The following TRIO variants were observed in gnomAD, a reference collection of about 807,000 sequenced individuals.
TRIO encodes trio Rho guanine nucleotide exchange factor, also known as triple functional domain protein.
In TRIO, 58 loss-of-function variants were observed where a neutral mutation model predicts 351.9. The ratio of observed to expected loss-of-function variants is 0.16; its 90% CI spans 0.13 to 0.21. The LOEUF is 0.21. Among genes scored for constraint, TRIO ranks in the 10% least tolerant of loss-of-function variants. The pLI, the probability that TRIO is intolerant of heterozygous loss-of-function variation, is 1.00. For synonymous variants in TRIO, 1,758 were observed against 1,595.7 expected (o/e 1.10, Z -2.42); for missense variants, 3,201 against 4,027.8 (o/e 0.79, Z 5.56).
At chr5:14,287,392 G>C (rs1021291602) in intron 4 of TRIO, among the ~76,000 whole-genome samples, 12 of 152,304 alleles carry the variant, frequency 7.9e-5, no homozygotes, top group African/African-American at 1.4e-4. Context: ...CTGTGGCTTT[G>C]CACAGTTACA....
intron 9 of TRIO, among the ~76,000 whole-genome samples, chr5:14,318,445 A>G (rs1361980133): frequency 7.8e-6 from 1 of 128,736 alleles, no homozygotes; most frequent in Middle Eastern, 3.4e-3. Context: ...ACAGAGCAAG[A>G]CTCCATCTCA....
chr5:14,406,899 G>A (rs1486874520), intron 33 of TRIO, among the ~76,000 whole-genome samples: 2 of 152,138 alleles, frequency 1.3e-5, no homozygotes, highest in Non-Finnish European at 2.9e-5. Flanking sequence ...TTTCCATCCT[G>A]CCCTTTGCCA....
At chr5:14,299,432 G>A (rs1183928687) in intron 7 of TRIO, among the ~76,000 whole-genome samples, 2 of 152,144 alleles carry the variant, frequency 1.3e-5, no homozygotes, top group African/African-American at 4.8e-5. Context: ...CCTTAACGAA[G>A]CAACAAGGCC....
At chr5:14,351,426 C>T (rs552300875) in intron 11 of TRIO, among the ~76,000 whole-genome samples, 3 of 152,338 alleles carry the variant, frequency 2.0e-5, no homozygotes, top group South Asian at 2.1e-4. Context: ...CTTGCAGCAG[C>T]TCTGGGAAGC....
intron 34 of TRIO, among the ~76,000 whole-genome samples, chr5:14,438,616 G>A (rs755724726): frequency 1.3e-5 from 2 of 152,160 alleles, no homozygotes; most frequent in Non-Finnish European, 2.9e-5. Flanking sequence ...CTCCTGAACC[G>A]AGTCTGTTCA....
chr5:14,243,227 C>G (rs552609985), intron 1 of TRIO, among the ~76,000 whole-genome samples: 8 of 152,220 alleles, frequency 5.3e-5, no homozygotes, highest in Admixed American at 3.9e-4. Context: ...TGTCCTGGTC[C>G]CTGCCTCTGC....
rs770760244 is a variant in TRIO at position 14,488,136 on chromosome 5, C to G, written c.7508C>G (p.Pro2503Arg). The stretch of plus-strand genomic sequence containing the variant: ...AGCCGACCCGGCTCCTTCACCTTCC[C>G]GGGGGACAGCGACTCCCTCCAGCGG... ...PASRPGSFTF[P>R]GDSDSLQRQT... The change falls in exon 48 of 57, where the codon CCG becomes CGG. Residue 2503 changes from proline (P) to arginine (R), a missense_variant. Physicochemically the swap from Pro to Arg is moderately radical, Grantham distance 103 (BLOSUM62 -2). Coordinates refer to ENST00000344204, the MANE Select transcript of TRIO (RefSeq NM_007118.4). The G allele has an allele frequency of 4.4e-6, 7 of 1,608,178 alleles. No individual in the cohort carries two copies. The highest frequency in any genetic ancestry group is 5.1e-6 in the Non-Finnish European group (6 of 1,179,506).
chr5:14,241,594 ATTG>A (rs925838391), intron 1 of TRIO, among the ~76,000 whole-genome samples: 21 of 152,316 alleles, frequency 1.4e-4, no homozygotes, highest in Middle Eastern at 3.4e-3. Flanking sequence ...TAAATTTTAT[ATTG>A]TTGTGGATAT....
intron 1 of TRIO, among the ~76,000 whole-genome samples, chr5:14,171,509 T>C (rs1789095172): frequency 6.6e-6 from 1 of 152,220 alleles, no homozygotes; most frequent in Non-Finnish European, 1.5e-5. Flanking sequence ...AGCTGTAAAT[T>C]ATTTGGGCTA....
At chr5:14,503,316 T>A (rs1185930271) in intron 54 of TRIO, among the ~76,000 whole-genome samples, 4 of 152,248 alleles carry the variant, frequency 2.6e-5, no homozygotes, top group African/African-American at 9.6e-5. Context: ...CTGGCATTCA[T>A]TCCTGAGGTC....
At chr5:14,439,537 C>T (rs941563630) in intron 34 of TRIO, among the ~76,000 whole-genome samples, 6 of 152,176 alleles carry the variant, frequency 3.9e-5, no homozygotes, top group African/African-American at 1.2e-4. Context: ...TTTTTAATAA[C>T]GGTTGTAGTA....
At chr5:14,451,659 G>A (rs1038203290) in intron 34 of TRIO, among the ~76,000 whole-genome samples, 1 of 152,228 alleles carries the variant, frequency 6.6e-6, no homozygotes, top group Non-Finnish European at 1.5e-5. Flanking sequence ...TTTTCAAATA[G>A]TCTGATGGAG....
chr5:14,385,627 T>G (rs1746475207), intron 21 of TRIO, among the ~76,000 whole-genome samples: 1 of 152,246 alleles, frequency 6.6e-6, no homozygotes, highest in South Asian at 2.1e-4. Context: ...AGCTGGTGAT[T>G]GGAACTGGTG....
chr5:14,321,409 C>T (rs165079), intron 9 of TRIO, among the ~76,000 whole-genome samples: 2,819 of 152,312 alleles, frequency 0.019, 90 homozygotes, highest in African/African-American at 0.064. Flanking sequence ...TGCTTACCTG[C>T]GCCGAATGCC....
At chr5:14,321,422 T>C (rs1224377788) in intron 9 of TRIO, among the ~76,000 whole-genome samples, 1 of 152,268 alleles carries the variant, frequency 6.6e-6, no homozygotes, top group Non-Finnish European at 1.5e-5. Context: ...CGAATGCCAG[T>C]GCATGGTGCA....
intron 43 of TRIO, among the ~76,000 whole-genome samples, chr5:14,480,706 T>C (rs1234878757): frequency 6.6e-6 from 1 of 152,206 alleles, no homozygotes; most frequent in Non-Finnish European, 1.5e-5. Flanking sequence ...AACAATTGGA[T>C]AGATCTGGTC....
chr5:14,406,154 G>A lies in TRIO; in HGVS notation c.4859+164G>A. ...TCATTCTTAGTAATGAAACTGCTTT[G>A]TCAGAGATAAGAGCCTCTATTGGCT... On this transcript the variant is annotated intron_variant, in intron 32 of 56. Coordinates refer to ENST00000344204, the MANE Select transcript of TRIO (RefSeq NM_007118.4). 3 of 1,065,186 alleles carry A rather than the reference G, an allele frequency of 2.8e-6. No homozygotes were observed. The South Asian group carries it at 5.0e-5, about 18-fold the overall frequency. 66.0% of individuals were successfully genotyped at this position (1,065,186 alleles called of 1,614,324 possible).
chr5:14,296,396 G>A (rs1737365927), intron 6 of TRIO, among the ~76,000 whole-genome samples: 1 of 152,134 alleles, frequency 6.6e-6, no homozygotes, highest in Non-Finnish European at 1.5e-5. Context: ...AGCTTGTTCT[G>A]CAAAAAGGGT....
rs939496583 is a variant in TRIO, at chr5:14,469,468, G to A, written c.5764-1850G>A. Reference sequence around the variant, plus strand: ...ATCAAAATTAATCTCATAAGAGGTAGAATATTTCTGTAGACCTATCTTCAT... The same window carrying A: ...ATCAAAATTAATCTCATAAGAGGTAAAATATTTCTGTAGACCTATCTTCAT... On this transcript the variant is annotated intron_variant, in intron 37 of 56. Coordinates refer to ENST00000344204, the MANE Select transcript of TRIO (RefSeq NM_007118.4). Among the ~76,000 whole-genome samples, 6 of 152,240 alleles carry A rather than the reference G, an allele frequency of 3.9e-5. 1 individual carries two copies. Among genetic ancestry groups the A allele is most frequent in the Admixed American group, 3.3e-4 (5 of 15,286 alleles).
Sources: allele counts gnomAD v4.1 joint callset (sites outside exome capture counted in the v4.1 genomes callset), GRCh38; gene constraint gnomAD v4.1.1; transcripts MANE v1.5; gene names NCBI Gene and HGNC (gene_info 2026-07-23, HGNC 2026-07-21).